The following VRK1 variants were observed in gnomAD, a reference collection of about 807,000 sequenced individuals.
VRK1 encodes serine/threonine-protein kinase VRK1.
In VRK1, 33 loss-of-function variants were observed where a neutral mutation model predicts 57.1. The ratio of observed to expected loss-of-function variants is 0.58; its 90% confidence interval spans 0.44 to 0.77. VRK1 has a LOEUF of 0.77. Ranked by LOEUF, VRK1 falls within the 30% of genes least tolerant of loss-of-function variation. VRK1 has a pLI of 0.00. For missense variants in VRK1, 413 were observed against 477.3 expected (o/e 0.87, Z 1.25); for synonymous variants, 137 against 147.8 (o/e 0.93, Z 0.53).
chr14:96,824,594 A>G (rs1427907510), intron 1 of VRK1, among the ~76,000 whole-genome samples: 3 of 152,148 alleles, frequency 2.0e-5, no homozygotes, highest in Admixed American at 6.5e-5. Flanking sequence ...AATGGCAAGT[A>G]CAGACATTTG....
intron 11 of VRK1, among the ~76,000 whole-genome samples, chr14:96,869,151 T>C (rs1026474843): frequency 6.6e-5 from 10 of 152,214 alleles, no homozygotes; most frequent in Non-Finnish European, 1.2e-4. Flanking sequence ...AAGAGTGTTA[T>C]CTGTCTTGCT....
chr14:96,837,696 A>G, intron 2 of VRK1, 66 bp from the exon 3 acceptor site: 1 of 1,035,964 alleles, frequency 9.7e-7, no homozygotes, highest in Non-Finnish European at 1.3e-6. Context: ...AGATATACAA[A>G]CCTAAATATT....
At chr14:96,799,532 A>G (rs921387056) in intron 1 of VRK1, among the ~76,000 whole-genome samples, 6 of 152,252 alleles carry the variant, frequency 3.9e-5, no homozygotes, top group African/African-American at 1.2e-4. Context: ...GATTTGAAAA[A>G]TAAAACTTAT....
At chr14:96,868,945 G>A (rs1888698285) in intron 11 of VRK1, among the ~76,000 whole-genome samples, 1 of 151,840 alleles carries the variant, frequency 6.6e-6, no homozygotes, top group Non-Finnish European at 1.5e-5. Context: ...ACAGGCATGC[G>A]CCACCACGCC....
intron 11 of VRK1, 35 bp downstream of exon 11, chr14:96,860,770 T>G: frequency 1.2e-6 from 2 of 1,606,166 alleles, no homozygotes; most frequent in East Asian, 4.5e-5. Context: ...TTTGGTCTTC[T>G]TGTGTTTATA....
chr14:96,803,406 G>A (rs1885746114), intron 1 of VRK1, among the ~76,000 whole-genome samples: 1 of 152,034 alleles, frequency 6.6e-6, no homozygotes, highest in African/African-American at 2.4e-5. Flanking sequence ...CCTGACTTCA[G>A]GTGATCCGCC....
chr14:96,852,813 T>G lies in VRK1; in HGVS notation c.375-18T>G, dbSNP rs778730789. On this transcript the variant is annotated intron_variant, in intron 5 of 12. Transcript: ENST00000216639. Reference sequence around the variant, plus strand: ...TTGCATTGTATTTTGTTCATTGGCTTTTCATATTTGTCTTCAGTTACAGGT... The same window carrying G: ...TTGCATTGTATTTTGTTCATTGGCTGTTCATATTTGTCTTCAGTTACAGGT... 5 of 1,604,946 alleles carry G rather than the reference T, an allele frequency of 3.1e-6. No individual in the cohort carries two copies. The South Asian group carries it at 5.5e-5, about 18-fold the overall frequency.
intron 1 of VRK1, among the ~76,000 whole-genome samples, chr14:96,811,346 G>A (rs1886195519): frequency 6.6e-6 from 1 of 152,204 alleles, no homozygotes; most frequent in Non-Finnish European, 1.5e-5. Flanking sequence ...TCCTGCAGAA[G>A]GGAGCAAATT....
chr14:96,803,456 G>C (rs982754236), intron 1 of VRK1, among the ~76,000 whole-genome samples: 3 of 152,142 alleles, frequency 2.0e-5, no homozygotes, highest in African/African-American at 7.2e-5. Flanking sequence ...CAGGGAGTGA[G>C]CCACCGCATC....
intron 5 of VRK1, among the ~76,000 whole-genome samples, chr14:96,848,986 T>A (rs956416153): frequency 6.6e-6 from 1 of 152,176 alleles, no homozygotes; most frequent in Non-Finnish European, 1.5e-5. Flanking sequence ...TTCTACTGTA[T>A]GACCCAATGG....
At chr14:96,802,678 A>G (rs1885710553) in intron 1 of VRK1, among the ~76,000 whole-genome samples, 1 of 152,260 alleles carries the variant, frequency 6.6e-6, no homozygotes, top group African/African-American at 2.4e-5. Flanking sequence ...ATGTCCTAGA[A>G]TTAGACACAC....
At chr14:96,880,232 A>G (rs1169251002) in intron 12 of VRK1, among the ~76,000 whole-genome samples, 2 of 152,214 alleles carry the variant, frequency 1.3e-5, no homozygotes, top group African/African-American at 4.8e-5. Flanking sequence ...ATGATCAGAA[A>G]ACCTTTAGAT....
chr14:96,856,047 T>C (rs1217938153), intron 8 of VRK1, 83 bp from the exon 9 acceptor site: 2 of 1,501,574 alleles, frequency 1.3e-6, no homozygotes, highest in African/African-American at 2.8e-5. Flanking sequence ...TTGACTTGTT[T>C]TATGTTATTA....
chr14:96,847,782 C>T (rs953401170), intron 5 of VRK1, among the ~76,000 whole-genome samples: 7 of 152,188 alleles, frequency 4.6e-5, no homozygotes, highest in East Asian at 1.9e-4. Flanking sequence ...CAAGATTAGG[C>T]TCACCCTTTA....
chr14:96,842,481 G>A (rs1231742064), intron 3 of VRK1, among the ~76,000 whole-genome samples: 1 of 152,030 alleles, frequency 6.6e-6, no homozygotes, highest in African/African-American at 2.4e-5. Context: ...TAAAAAAGCA[G>A]GATACAAAGT....
chr14:96,877,517 A>G (rs1340211512), intron 12 of VRK1: 18 of 1,289,494 alleles, frequency 1.4e-5, no homozygotes, highest in Non-Finnish European at 1.8e-5. Flanking sequence ...GAGGAGTCCC[A>G]AGGAGCAATA....
chr14:96,807,896 G>A (rs1341571037), intron 1 of VRK1, among the ~76,000 whole-genome samples: 2 of 151,988 alleles, frequency 1.3e-5, no homozygotes, highest in Non-Finnish European at 2.9e-5. Flanking sequence ...CACTGAGATT[G>A]GAAATACAAG....
chr14:96,881,315 A>G lies in VRK1; in HGVS notation c.*107A>G, dbSNP rs375987917. On this transcript the variant is annotated 3_prime_UTR_variant, in exon 13 of 13. Coordinates refer to ENST00000216639, the MANE Select transcript of VRK1 (RefSeq NM_003384.3). ...CCTGTGAGTCTTGCGAGGTGGAAGT[A>G]ATGATTAAATACTCATGTGTTCAGA... 135 of 970,140 alleles carry G rather than the reference A, an allele frequency of 1.4e-4. No individual in the cohort carries two copies. The East Asian group carries it at 2.7e-3, about 19-fold the overall frequency. 60.1% of individuals were successfully genotyped at this position (970,140 alleles called of 1,614,324 possible). A position where few individuals can be genotyped will look rare whatever the true frequency, so the allele number is the denominator to read the frequency against.
At chr14:96,880,321 T>C (rs1889209289) in intron 12 of VRK1, among the ~76,000 whole-genome samples, 1 of 152,242 alleles carries the variant, frequency 6.6e-6, no homozygotes, top group Admixed American at 6.5e-5. Context: ...TTTGTTTTTT[T>C]TCGTGCAGTC....
Sources: gnomAD v4.1 joint callset for allele counts (sites outside exome capture counted in the v4.1 genomes callset) on GRCh38, gnomAD v4.1.1 for gene constraint, MANE v1.5 for transcripts, NCBI Gene and HGNC (gene_info 2026-07-23, HGNC 2026-07-21) for gene names.